The following KCNIP4 variants were observed in gnomAD, a reference collection of about 807,000 sequenced individuals.
The protein encoded by KCNIP4 is potassium voltage-gated channel interacting protein 4, also known as Kv channel-interacting protein 4.
KCNIP4 carries 12 observed loss-of-function variants against 34.0 expected under a neutral mutation model. The ratio of observed to expected loss-of-function variants is 0.35; its 90% confidence interval spans 0.23 to 0.57. The LOEUF (loss-of-function observed/expected upper bound fraction) is 0.57, where lower values mean the gene tolerates loss of function less well. Among genes scored for constraint, KCNIP4 ranks in the 20% least tolerant of loss-of-function variants. KCNIP4 has a pLI of 0.83. For missense variants in KCNIP4, 238 were observed against 311.7 expected (o/e 0.76, Z 1.78); for synonymous variants, 124 against 102.2 (o/e 1.21, Z -1.29).
At chr4:21,232,580 G>C (rs1182297552) in intron 1 of KCNIP4, among the ~76,000 whole-genome samples, 9 of 152,040 alleles carry the variant, frequency 5.9e-5, no homozygotes, top group Non-Finnish European at 1.3e-4. Flanking sequence ...TTATTATTGA[G>C]AATTTACTAT....
chr4:21,307,435 C>T (rs1020316623), intron 1 of KCNIP4, among the ~76,000 whole-genome samples: 28 of 152,268 alleles, frequency 1.8e-4, no homozygotes, highest in African/African-American at 6.3e-4. Context: ...AATCACTACC[C>T]TCTGAACCAG....
chr4:21,486,550 C>T (rs763938589), intron 1 of KCNIP4, among the ~76,000 whole-genome samples: 4 of 152,136 alleles, frequency 2.6e-5, no homozygotes, highest in Non-Finnish European at 5.9e-5. Context: ...TTGCCTAATT[C>T]TAACCCTCCA....
intron 1 of KCNIP4, among the ~76,000 whole-genome samples, chr4:21,116,437 T>C (rs1359666829): frequency 6.6e-6 from 1 of 152,198 alleles, no homozygotes; most frequent in Non-Finnish European, 1.5e-5. Context: ...TCATCGTTCT[T>C]ACGGCTTTAG....
intron 1 of KCNIP4, among the ~76,000 whole-genome samples, chr4:21,462,739 A>G (rs1577400180): frequency 6.8e-6 from 1 of 147,908 alleles, no homozygotes; most frequent in African/African-American, 2.5e-5. Context: ...ATAGGATTTT[A>G]TTCTTTATGG....
intron 3 of KCNIP4, among the ~76,000 whole-genome samples, chr4:20,816,842 C>T (rs903956910): frequency 2.0e-5 from 3 of 152,174 alleles, no homozygotes; most frequent in Admixed American, 2.0e-4. Flanking sequence ...AAAAGGGCTG[C>T]TCTCATGCTC....
chr4:20,913,619 C>A (rs930308972), intron 1 of KCNIP4, among the ~76,000 whole-genome samples: 4 of 152,156 alleles, frequency 2.6e-5, no homozygotes, highest in Non-Finnish European at 4.4e-5. Context: ...TAAGGCTACT[C>A]CCAGCACTCC....
At chr4:20,816,330 C>T (rs942221557) in intron 3 of KCNIP4, among the ~76,000 whole-genome samples, 19 of 151,726 alleles carry the variant, frequency 1.3e-4, no homozygotes, top group Admixed American at 6.6e-4. Flanking sequence ...GTCACATGTT[C>T]CTTTTTTGAG....
chr4:21,476,013 A>C (rs896947122), intron 1 of KCNIP4, among the ~76,000 whole-genome samples: 6 of 152,112 alleles, frequency 3.9e-5, no homozygotes, highest in South Asian at 4.2e-4. Context: ...AAATAAACTC[A>C]TTGCTTTTCA....
At chr4:21,786,301 A>T (rs1719909279) in intron 1 of KCNIP4, among the ~76,000 whole-genome samples, 1 of 152,060 alleles carries the variant, frequency 6.6e-6, no homozygotes, top group African/African-American at 2.4e-5. Flanking sequence ...TATGGTAACT[A>T]CATGTTTAAC....
At chr4:21,727,185 G>C (rs897709133) in intron 1 of KCNIP4, among the ~76,000 whole-genome samples, 1 of 152,190 alleles carries the variant, frequency 6.6e-6, no homozygotes. Context: ...TTTAAGAAAT[G>C]ATTAAGTCAT....
chr4:20,980,845 T>C (rs1735996950), intron 1 of KCNIP4, among the ~76,000 whole-genome samples: 4 of 151,990 alleles, frequency 2.6e-5, no homozygotes, highest in African/African-American at 7.2e-5. Context: ...TCTGGACTAT[T>C]GTGGGTCATA....
In KCNIP4 at chr4:21,574,439, G is replaced by A. The variant is rs1031721902; in HGVS notation, c.61+374132C>T. Reference sequence around the variant, plus strand: ...GTTTTTGTGGCCTTAATATATGGCAGGTTTAATCAATGTTTCCAAGCTATT... The same window carrying A: ...GTTTTTGTGGCCTTAATATATGGCAAGTTTAATCAATGTTTCCAAGCTATT... On this transcript the variant is annotated intron_variant, in intron 1 of 8. Transcript: ENST00000382152. 3.9e-5 allele frequency among the ~76,000 whole-genome samples: 6 copies of A among 152,012 alleles called. No homozygotes were observed. The East Asian group carries it at 7.7e-4, about 20-fold the overall frequency.
intron 1 of KCNIP4, among the ~76,000 whole-genome samples, chr4:21,022,862 T>G (rs1008716829): frequency 6.6e-6 from 1 of 152,144 alleles, no homozygotes; most frequent in African/African-American, 2.4e-5. Context: ...GTCTTGCTTT[T>G]TCGCCCAGTC....
chr4:21,614,529 A>C lies in KCNIP4; in HGVS notation c.61+334042T>G, dbSNP rs1052611761. On this transcript the variant is annotated intron_variant, in intron 1 of 8. Transcript: ENST00000382152. ...TATATATAGCTTAAATTAAGCTATAATATAGCTTCTATTTAATGCATATTA... is the reference window on the plus strand; with the variant it reads ...TATATATAGCTTAAATTAAGCTATACTATAGCTTCTATTTAATGCATATTA... Among the ~76,000 whole-genome samples the C allele has an allele frequency of 1.2e-4, 18 of 148,312 alleles. No individual in the cohort carries two copies. In the East Asian group the frequency reaches 3.3e-3, roughly 27 times the overall value.
intron 1 of KCNIP4, among the ~76,000 whole-genome samples, chr4:21,158,206 G>A (rs753343729): frequency 2.6e-5 from 4 of 152,058 alleles, no homozygotes; most frequent in Admixed American, 1.3e-4. Context: ...AGATGGTTTT[G>A]CCTTCGATTC....
At chr4:20,931,795 G>T (rs1055843700) in intron 1 of KCNIP4, among the ~76,000 whole-genome samples, 10 of 152,012 alleles carry the variant, frequency 6.6e-5, no homozygotes, top group African/African-American at 1.9e-4. Context: ...GGGAAAAAAT[G>T]AGATGAAGGT....
At position 21,686,442 on chromosome 4, in the gene KCNIP4, A is replaced by C. The variant is rs185794222; in HGVS notation, c.61+262129T>G. Among the ~76,000 whole-genome samples the C allele has an allele frequency of 5.6e-3, 851 of 152,292 alleles. 3 individuals carry two copies. Among genetic ancestry groups the C allele is most frequent in the Middle Eastern group, 0.017 (5 of 294 alleles). Reference sequence around the variant, plus strand: ...TATAAATTTCTAATATTAATTTATTAGTTTATCTTATAGAGATATAACTAT... The same window carrying C: ...TATAAATTTCTAATATTAATTTATTCGTTTATCTTATAGAGATATAACTAT... On this transcript the variant is annotated intron_variant, in intron 1 of 8. Transcript: ENST00000382152.
intron 1 of KCNIP4, among the ~76,000 whole-genome samples, chr4:21,347,643 T>C (rs896491840): frequency 2.0e-5 from 3 of 152,204 alleles, no homozygotes; most frequent in African/African-American, 7.2e-5. Context: ...ATCTGCAGAA[T>C]ATGGGTGTTG....
At chr4:21,413,318 C>T (rs1724670390) in intron 1 of KCNIP4, among the ~76,000 whole-genome samples, 1 of 152,092 alleles carries the variant, frequency 6.6e-6, no homozygotes, top group Non-Finnish European at 1.5e-5. Flanking sequence ...GAGAAATGGC[C>T]ATGGAACTTT....
Sources: allele counts gnomAD v4.1 joint callset (sites outside exome capture counted in the v4.1 genomes callset), GRCh38; gene constraint gnomAD v4.1.1; transcripts MANE v1.5; gene names NCBI Gene and HGNC (gene_info 2026-07-23, HGNC 2026-07-21).